Variants in DLG2 observed in about 807,000 individuals in gnomAD.
DLG2 encodes disks large homolog 2.
DLG2 carries 45 observed loss-of-function variants against 132.5 expected under a neutral mutation model. The observed-to-expected ratio is 0.34, with a 90% CI of 0.27 to 0.44. The LOEUF (loss-of-function observed/expected upper bound fraction) is 0.44. DLG2 is among the 20% of genes least tolerant of loss of function. The pLI, the probability that DLG2 is intolerant of heterozygous loss-of-function variation, is 1.00. For missense variants in DLG2, 1,045 were observed against 1,196.9 expected (o/e 0.87, Z 1.87); for synonymous variants, 424 against 419.6 (o/e 1.01, Z -0.13).
intron 6 of DLG2, among the ~76,000 whole-genome samples, chr11:85,038,366 A>C (rs952434107): frequency 6.6e-6 from 1 of 152,072 alleles, no homozygotes; most frequent in Non-Finnish European, 1.5e-5. Context: ...CTTAAATAGC[A>C]TAATAGTAAT....
At chr11:85,596,566 G>A (rs2079783930) in intron 3 of DLG2, among the ~76,000 whole-genome samples, 1 of 152,022 alleles carries the variant, frequency 6.6e-6, no homozygotes, top group Admixed American at 6.6e-5. Context: ...AGTCGTGCGA[G>A]GTACTATTTC....
intron 16 of DLG2, among the ~76,000 whole-genome samples, chr11:83,865,828 C>G (rs1389621882): frequency 2.6e-5 from 4 of 152,162 alleles, no homozygotes; most frequent in Non-Finnish European, 5.9e-5. Flanking sequence ...GTGAGTCAAC[C>G]ATGAGTCAGC....
chr11:84,014,491 C>G (rs1334843975), intron 11 of DLG2, among the ~76,000 whole-genome samples: 1 of 152,060 alleles, frequency 6.6e-6, no homozygotes, highest in African/African-American at 2.4e-5. Context: ...TTTAAAGAAT[C>G]TTCTCTGTAT....
intron 7 of DLG2, chr11:84,272,418 G>A: frequency 3.5e-6 from 1 of 286,296 alleles, no homozygotes; most frequent in Non-Finnish European, 7.2e-6. Flanking sequence ...ATAGCTAATT[G>A]GTGATCTCAA....
At chr11:84,186,815 T>C (rs981986794) in intron 8 of DLG2, among the ~76,000 whole-genome samples, 1 of 152,154 alleles carries the variant, frequency 6.6e-6, no homozygotes, top group East Asian at 1.9e-4. Context: ...ATGTTAAACA[T>C]TGTATTAAGG....
At chr11:85,220,163 A>G (rs1012385173) in intron 4 of DLG2, among the ~76,000 whole-genome samples, 2 of 152,136 alleles carry the variant, frequency 1.3e-5, no homozygotes, top group Non-Finnish European at 2.9e-5. Context: ...AGAAATATGT[A>G]AAACTCTGCA....
intron 7 of DLG2, among the ~76,000 whole-genome samples, chr11:84,301,651 C>CAAAAAAAAA (rs753899806): frequency 3.8e-5 from 1 of 26,602 alleles, no homozygotes; most frequent in Non-Finnish European, 7.3e-5. Context: ...AGGCGAGACT[C>CAAAAAAAAA]AAAAAAAAAA....
chr11:83,960,707 G>C (rs955207275), intron 14 of DLG2, among the ~76,000 whole-genome samples: 2 of 151,616 alleles, frequency 1.3e-5, no homozygotes, highest in Non-Finnish European at 1.5e-5. Context: ...CTCTAGTGCA[G>C]CACCAGGTGT....
At chr11:84,978,290 C>T (rs2055206904) in intron 6 of DLG2, among the ~76,000 whole-genome samples, 1 of 152,128 alleles carries the variant, frequency 6.6e-6, no homozygotes, top group Non-Finnish European at 1.5e-5. Flanking sequence ...ACTTTCTTCA[C>T]AGAATTGGAA....
At chr11:85,625,865 C>T (rs1407378527) in intron 2 of DLG2, among the ~76,000 whole-genome samples, 1 of 152,168 alleles carries the variant, frequency 6.6e-6, no homozygotes, top group South Asian at 2.1e-4. Flanking sequence ...CAAAGTTAAC[C>T]TGGGGTGCAT....
chr11:85,495,692 A>G (rs1225005813), intron 3 of DLG2, among the ~76,000 whole-genome samples: 1 of 152,216 alleles, frequency 6.6e-6, no homozygotes, highest in Non-Finnish European at 1.5e-5. Context: ...GGGAGTATCA[A>G]TTAGTTTAAC....
intron 6 of DLG2, among the ~76,000 whole-genome samples, chr11:84,711,880 G>C (rs944840799): frequency 6.6e-6 from 1 of 151,940 alleles, no homozygotes; most frequent in African/African-American, 2.4e-5. Flanking sequence ...ACCACATCAA[G>C]GTACCACATT....
chr11:85,046,747 T>C (rs1266587794), intron 6 of DLG2, among the ~76,000 whole-genome samples: 1 of 151,872 alleles, frequency 6.6e-6, no homozygotes, highest in Middle Eastern at 3.2e-3. Context: ...TTAACATAAA[T>C]TACTTCCTTA....
At chr11:85,012,637 T>C (rs564789845) in intron 6 of DLG2, among the ~76,000 whole-genome samples, 1 of 152,284 alleles carries the variant, frequency 6.6e-6, no homozygotes, top group Non-Finnish European at 1.5e-5. Context: ...AAAAAAATTA[T>C]TTGCTGATTA....
At chr11:85,289,926 G>A (rs1237252676) in intron 3 of DLG2, among the ~76,000 whole-genome samples, 4 of 152,086 alleles carry the variant, frequency 2.6e-5, no homozygotes, top group Non-Finnish European at 4.4e-5. Flanking sequence ...AGTAGAAATA[G>A]TTGTTCACCC....
At chr11:84,841,107 G>A (rs1316717721) in intron 6 of DLG2, among the ~76,000 whole-genome samples, 1 of 151,450 alleles carries the variant, frequency 6.6e-6, no homozygotes, top group Non-Finnish European at 1.5e-5. Context: ...GATCACATAA[G>A]AATGAACATC....
chr11:84,035,140 T>C (rs2095827090), intron 11 of DLG2, among the ~76,000 whole-genome samples: 1 of 152,132 alleles, frequency 6.6e-6, no homozygotes, highest in African/African-American at 2.4e-5. Context: ...TTCTGTCCGC[T>C]AAGCCAAGGT....
At chr11:84,057,032 A>G (rs1382132077) in intron 11 of DLG2, among the ~76,000 whole-genome samples, 1 of 152,102 alleles carries the variant, frequency 6.6e-6, no homozygotes, top group Admixed American at 6.6e-5. Context: ...CATACACTGT[A>G]TACTTTAACT....
intron 6 of DLG2, among the ~76,000 whole-genome samples, chr11:84,548,179 G>A (rs189313793): frequency 6.6e-6 from 1 of 152,214 alleles, no homozygotes; most frequent in East Asian, 1.9e-4. Flanking sequence ...ATGCAGAGAA[G>A]AACTGAGTTC....
Sources: gnomAD v4.1 joint callset for allele counts (sites outside exome capture counted in the v4.1 genomes callset) on GRCh38, gnomAD v4.1.1 for gene constraint, MANE v1.5 for transcripts, NCBI Gene and HGNC (gene_info 2026-07-23, HGNC 2026-07-21) for gene names.